PERP: variants seen among roughly 807,000 people sequenced by gnomAD.
PERP encodes the protein p53 apoptosis effector related to PMP-22.
PERP carries 11 observed loss-of-function variants against 20.3 expected under a neutral mutation model. The ratio of observed to expected loss-of-function variants is 0.54; its 90% CI spans 0.34 to 0.90. PERP has a LOEUF of 0.90. PERP is among the 40% of genes least tolerant of loss of function. The pLI is 0.02. For synonymous variants in PERP, 101 were observed against 102.0 expected, an observed-to-expected ratio of 0.99 and a Z score of 0.06; for missense variants, 224 against 249.4, an observed-to-expected ratio of 0.90 and a Z score of 0.69.
At position 138,096,504 on chromosome 6, in the gene PERP, A is replaced by T. The variant is rs1175631480; in HGVS notation, c.215-10T>A. The stretch of plus-strand genomic sequence containing the variant: ...GCTGCTCTACCCCACGCTGCAAGAA[A>T]AAAAGAAACAGCAATTAACAAGACA... On this transcript the variant is annotated splice_polypyrimidine_tract_variant and intron_variant, in intron 1 of 2. Transcript: ENST00000421351. 6.2e-7 allele frequency: 1 copy of T among 1,602,472 alleles called. No homozygotes were observed. The highest frequency in any genetic ancestry group is 1.3e-5 in the African/African-American group (1 of 74,210).
Position 138,091,947 on chromosome 6 carries a change from T to C in PERP, c.*95A>G. 8.9e-7 allele frequency: 1 copy of C among 1,125,612 alleles called. No homozygotes were observed. The highest frequency in any genetic ancestry group is 2.5e-5 in the East Asian group (1 of 39,990). The allele number at this position is 1,125,612 out of a possible 1,614,324, so 69.7% of individuals were successfully genotyped here. A position where few individuals can be genotyped will look rare whatever the true frequency, so the allele number is the denominator to read the frequency against. ...TTGACTAGTTTAATAATATGAACAC[T>C]GCCAAAAAATGGGTTCAAAGTCGCC... is the stretch of plus-strand genomic sequence containing the variant. On this transcript the variant is annotated 3_prime_UTR_variant, in exon 3 of 3. Coordinates refer to ENST00000421351, the MANE Select transcript of PERP (RefSeq NM_022121.5).
chr6:138,100,560 G>A (rs9484113), intron 1 of PERP, among the ~76,000 whole-genome samples: 16,391 of 151,988 alleles, frequency 0.11, 999 homozygotes, highest in African/African-American at 0.16. Flanking sequence ...GTGTGTGTGT[G>A]TGTGTGTGTG....
At position 138,095,236 on chromosome 6, in the gene PERP, A is replaced by C. The variant is rs185598624; in HGVS notation, c.355+1118T>G. Among the ~76,000 whole-genome samples, 935 of 152,362 alleles carry C rather than the reference A, an allele frequency of 6.1e-3. 4 individuals carry two copies. Among genetic ancestry groups the C allele is most frequent in the Non-Finnish European group, 0.011 (746 of 68,034 alleles). Reference sequence around the variant, plus strand: ...GATTTTAAAATATTATTCAAAAAGCAAACTTTGAAAATATGAGGATCAGAA... The same window carrying C: ...GATTTTAAAATATTATTCAAAAAGCCAACTTTGAAAATATGAGGATCAGAA... On this transcript the variant is annotated intron_variant, in intron 2 of 2. Transcript: ENST00000421351.
intron 1 of PERP, among the ~76,000 whole-genome samples, chr6:138,105,369 A>G (rs1201149392): frequency 6.6e-6 from 1 of 152,208 alleles, no homozygotes; most frequent in Non-Finnish European, 1.5e-5. Context: ...TAACATTTAG[A>G]CTTCTAATTA....
intron 1 of PERP, among the ~76,000 whole-genome samples, chr6:138,101,005 G>A (rs963284306): frequency 6.6e-6 from 1 of 152,114 alleles, no homozygotes; most frequent in South Asian, 2.1e-4. Flanking sequence ...ATACAAAAAC[G>A]CAAAATGTTA....
intron 1 of PERP, among the ~76,000 whole-genome samples, chr6:138,103,480 C>A (rs949044982): frequency 3.9e-5 from 6 of 152,086 alleles, no homozygotes; most frequent in Non-Finnish European, 8.8e-5. Context: ...TTCCCTACCC[C>A]ACTCCCCACT....
chr6:138,103,098 CA>C (rs10651274), intron 1 of PERP, among the ~76,000 whole-genome samples: 14 of 147,022 alleles, frequency 9.5e-5, no homozygotes, highest in East Asian at 2.1e-4. Flanking sequence ...GACTCCGTCT[CA>C]AAAAAAAAAG....
At chr6:138,105,783 A>G (rs956262273) in intron 1 of PERP, among the ~76,000 whole-genome samples, 1 of 152,248 alleles carries the variant, frequency 6.6e-6, no homozygotes. Flanking sequence ...CATTTTAACT[A>G]GAAGATAGAG....
chr6:138,101,348 C>T (rs1470748207), intron 1 of PERP, among the ~76,000 whole-genome samples: 1 of 151,966 alleles, frequency 6.6e-6, no homozygotes, highest in Non-Finnish European at 1.5e-5. Flanking sequence ...CTAGCCTGAG[C>T]AACAGAGGGA....
In PERP at chr6:138,091,929, G is replaced by A. The variant is rs1775590040; in HGVS notation, c.*113C>T. On this transcript the variant is annotated 3_prime_UTR_variant, in exon 3 of 3. Transcript: ENST00000421351. ...CAAATTATTTTAGCATTTTTGACTAGTTTAATAATATGAACACTGCCAAAA... is the reference window on the plus strand; with the variant it reads ...CAAATTATTTTAGCATTTTTGACTAATTTAATAATATGAACACTGCCAAAA... 1.0e-5 allele frequency: 9 copies of A among 863,302 alleles called. No individual in the cohort carries two copies. Among genetic ancestry groups the A allele is most frequent in the African/African-American group, 1.7e-5 (1 of 58,670 alleles). The allele number at this position is 863,302 out of a possible 1,614,324, so 53.5% of individuals were successfully genotyped here. A position where few individuals can be genotyped will look rare whatever the true frequency, so the allele number is the denominator to read the frequency against.
At chr6:138,097,075 G>C (rs544501518) in intron 1 of PERP, among the ~76,000 whole-genome samples, 2 of 152,284 alleles carry the variant, frequency 1.3e-5, no homozygotes, top group African/African-American at 4.8e-5. Context: ...CTTATAACAA[G>C]ATCTTATAAC....
intron 2 of PERP, among the ~76,000 whole-genome samples, chr6:138,092,700 T>C (rs1295218129): frequency 1.3e-5 from 2 of 152,142 alleles, no homozygotes; most frequent in African/African-American, 4.8e-5. Flanking sequence ...TATATATGTA[T>C]ATATACACAC....
In PERP at chr6:138,107,348, G is replaced by C. The variant is rs145187739; in HGVS notation, c.-8C>G. On this transcript the variant is annotated 5_prime_UTR_variant, in exon 1 of 3. Coordinates refer to ENST00000421351, the MANE Select transcript of PERP (RefSeq NM_022121.5). This position sits in a 1 kb window ranked among gnomAD's most constrained non-coding sequence, Gnocchi z 4.8. ...CAGGCCGCAGCGGATCATGTTGACG[G>C]GCGGCGCGGGGCCGAGCGGAGCGGA... The C allele has an allele frequency of 9.5e-6, 15 of 1,582,908 alleles. No individual in the cohort carries two copies. In the East Asian group the frequency reaches 3.2e-4, roughly 34 times the overall value.
chr6:138,092,433 T>C (rs1775603517), intron 2 of PERP, among the ~76,000 whole-genome samples, 165 bp from the exon 3 acceptor site: 1 of 152,192 alleles, frequency 6.6e-6, no homozygotes, highest in Non-Finnish European at 1.5e-5. Flanking sequence ...CAAAAAAGAT[T>C]CTTGACTACT....
Position 138,096,513 on chromosome 6 carries a change from C to T in PERP, c.215-19G>A, listed in dbSNP as rs1224784027. The T allele has an allele frequency of 1.3e-6, 2 of 1,598,880 alleles. No homozygotes were observed. The highest frequency in any genetic ancestry group is 4.5e-5 in the East Asian group (2 of 44,740). ...CCCCACGCTGCAAGAAAAAAAGAAA[C>T]AGCAATTAACAAGACAGACATACCA... On this transcript the variant is annotated intron_variant, in intron 1 of 2. Transcript: ENST00000421351.
intron 1 of PERP, among the ~76,000 whole-genome samples, chr6:138,106,148 G>A (rs980170719): frequency 6.6e-6 from 1 of 152,176 alleles, no homozygotes; most frequent in African/African-American, 2.4e-5. Context: ...GTAGCTTGCT[G>A]TCTGTGTTTA....
intron 1 of PERP, among the ~76,000 whole-genome samples, chr6:138,106,574 CA>C (rs1253634518): frequency 6.6e-6 from 1 of 152,228 alleles, no homozygotes; most frequent in African/African-American, 2.4e-5. Flanking sequence ...CAAGAGCTAA[CA>C]AGAACTAGCC....
At chr6:138,095,165 G>A (rs933649301) in intron 2 of PERP, among the ~76,000 whole-genome samples, 2 of 152,178 alleles carry the variant, frequency 1.3e-5, no homozygotes, top group African/African-American at 4.8e-5. Context: ...ATGAAAGTGG[G>A]CATCAACCAG....
At position 138,089,848 on chromosome 6, in the gene PERP, G is replaced by A. The variant is rs1450414661; in HGVS notation, c.*2194C>T. The stretch of plus-strand genomic sequence containing the variant: ...ATGGTTCTATTATATCAGGCTCGTT[G>A]GTCCCAGGAGGTTGCATTTTTCCTA... On this transcript the variant is annotated 3_prime_UTR_variant, in exon 3 of 3. Coordinates refer to ENST00000421351, the MANE Select transcript of PERP (RefSeq NM_022121.5). 3.3e-5 allele frequency: 5 copies of A among 152,140 alleles called. No individual in the cohort carries two copies. Among genetic ancestry groups the A allele is most frequent in the African/African-American group, 1.2e-4 (5 of 41,418 alleles). 9.4% of individuals were successfully genotyped at this position (152,140 alleles called of 1,614,324 possible).
Sources: allele counts gnomAD v4.1 joint callset (sites outside exome capture counted in the v4.1 genomes callset), GRCh38; gene constraint gnomAD v4.1.1; non-coding constraint Gnocchi (gnomAD v3.1); transcripts MANE v1.5; gene names NCBI Gene and HGNC (gene_info 2026-07-23, HGNC 2026-07-21).